GRAMD2A: variants seen among roughly 807,000 people sequenced by gnomAD.
GRAMD2A encodes GRAM domain-containing protein 2A.
GRAMD2A carries 37 observed loss-of-function variants against 51.1 expected under a neutral mutation model. The ratio of observed to expected loss-of-function variants is 0.72; its 90% CI spans 0.56 to 0.95. GRAMD2A has a LOEUF of 0.95. Among genes scored for constraint, GRAMD2A ranks in the 40% least tolerant of loss-of-function variants. The pLI is 0.00. For synonymous variants in GRAMD2A, 136 were observed against 157.1 expected, an observed-to-expected ratio of 0.87 and a Z score of 1.01; for missense variants, 414 against 426.9, an observed-to-expected ratio of 0.97 and a Z score of 0.27.
chr15:72,186,072 C>G (rs543639738), intron 1 of GRAMD2A, among the ~76,000 whole-genome samples: 6 of 152,006 alleles, frequency 3.9e-5, no homozygotes, highest in Non-Finnish European at 8.8e-5. Flanking sequence ...GGGAGCTCAT[C>G]CAAGTCAATA....
intron 1 of GRAMD2A, among the ~76,000 whole-genome samples, chr15:72,195,500 A>C (rs2081798320): frequency 1.3e-5 from 2 of 152,328 alleles, no homozygotes; most frequent in African/African-American, 4.8e-5. Flanking sequence ...CCAAGAGGCC[A>C]GCTGGCAGCA....
intron 1 of GRAMD2A, among the ~76,000 whole-genome samples, chr15:72,177,571 G>A (rs772600076): frequency 4.6e-5 from 7 of 152,182 alleles, no homozygotes; most frequent in Non-Finnish European, 1.0e-4. Context: ...TTATTTATTC[G>A]TTTTACTACT....
chr15:72,183,155 G>A (rs1333671887), intron 1 of GRAMD2A, among the ~76,000 whole-genome samples: 3 of 151,490 alleles, frequency 2.0e-5, no homozygotes, highest in Non-Finnish European at 2.9e-5. Flanking sequence ...TTACAGGTGT[G>A]AGCCACTGTG....
At chr15:72,195,042 A>G (rs982313678) in intron 1 of GRAMD2A, among the ~76,000 whole-genome samples, 1 of 152,216 alleles carries the variant, frequency 6.6e-6, no homozygotes, top group Non-Finnish European at 1.5e-5. Context: ...GGTATGCTGC[A>G]TGCTGCTTGC....
Position 72,161,743 on chromosome 15 carries a change from T to G in GRAMD2A, c.*266A>C, listed in dbSNP as rs2081477934. 2.1e-6 allele frequency: 1 copy of G among 479,814 alleles called. No homozygotes were observed. Among genetic ancestry groups the G allele is most frequent in the Non-Finnish European group, 3.8e-6 (1 of 262,376 alleles). The allele number at this position is 479,814 out of a possible 1,614,324, so 29.7% of individuals were successfully genotyped here. ...TCTCTAAGTGTTTGCTGAAGCTTTG[T>G]GTACAGAATTCCTCAGTTGGTTCCA... On this transcript the variant is annotated 3_prime_UTR_variant, in exon 12 of 12. Transcript: ENST00000309731.
chr15:72,176,854 CTTTTTTT>C (rs60618044), intron 1 of GRAMD2A, among the ~76,000 whole-genome samples: 1 of 72,178 alleles, frequency 1.4e-5, no homozygotes, highest in Non-Finnish European at 2.6e-5. Context: ...ACCTGCAGTG[CTTTTTTT>C]TTTTTTTTTT....
intron 8 of GRAMD2A, 105 bp downstream of exon 8, chr15:72,165,249 C>A: frequency 1.0e-6 from 1 of 995,716 alleles, no homozygotes; most frequent in Non-Finnish European, 1.6e-6. Flanking sequence ...ACTCTTGAGC[C>A]TGGTGCCCCA....
chr15:72,162,162 A>C lies in GRAMD2A; in HGVS notation c.1061+111T>G, dbSNP rs2081483307. 4.5e-6 allele frequency: 6 copies of C among 1,343,172 alleles called. No individual in the cohort carries two copies. In the South Asian group the frequency reaches 7.1e-5, roughly 16 times the overall value. 83.2% of individuals were successfully genotyped at this position (1,343,172 alleles called of 1,614,324 possible). On this transcript the variant is annotated intron_variant, in intron 11 of 11. Coordinates refer to ENST00000309731, the MANE Select transcript of GRAMD2A (RefSeq NM_001012642.3). The stretch of plus-strand genomic sequence containing the variant: ...ACGCTGCCCAACCTTGCTTAGGGTC[A>C]GAAGCCAGCTCAAAACAGGACCAAG...
chr15:72,165,536 C>T, intron 7 of GRAMD2A, 126 bp from the exon 8 acceptor site: 1 of 925,956 alleles, frequency 1.1e-6, no homozygotes, highest in Non-Finnish European at 1.7e-6. Flanking sequence ...AGGTGAAGCC[C>T]AGCTCCCAGG....
At chr15:72,177,073 T>C (rs2081658971) in intron 1 of GRAMD2A, among the ~76,000 whole-genome samples, 1 of 151,890 alleles carries the variant, frequency 6.6e-6, no homozygotes, top group Non-Finnish European at 1.5e-5. Flanking sequence ...TCTTGCTCTG[T>C]TGCCCAGGCT....
chr15:72,166,747 A>G lies in GRAMD2A; in HGVS notation c.472-44T>C, dbSNP rs759021169. On this transcript the variant is annotated intron_variant, in intron 6 of 11. Coordinates refer to ENST00000309731, the MANE Select transcript of GRAMD2A (RefSeq NM_001012642.3). The surrounding 1 kb of genome is among the most constrained non-coding windows in gnomAD (Gnocchi z 4.1). ...ACAGACAGGGGTAGGGTGAGATGAG[A>G]CTCCTTGCTGTGCCAGCCAGCCCCC... The G allele has an allele frequency of 5.2e-6, 8 of 1,536,856 alleles. No homozygotes were observed. In the Admixed American group the frequency reaches 1.3e-4, roughly 26 times the overall value.
At position 72,170,486 on chromosome 15, in the gene GRAMD2A, G is replaced by A. The variant is rs1328153459; in HGVS notation, c.42-547C>T. On this transcript the variant is annotated intron_variant, in intron 1 of 11. Coordinates refer to ENST00000309731, the MANE Select transcript of GRAMD2A (RefSeq NM_001012642.3). The surrounding 1 kb of genome is among the most constrained non-coding windows in gnomAD (Gnocchi z 4.5). ...GAGTGTGGCCAGGAGGGGAGGAGCC[G>A]TCTTATACCAGGAAGTGGCCTCAGC... 1.1e-5 allele frequency: 5 copies of A among 447,536 alleles called. No individual in the cohort carries two copies. The highest frequency in any genetic ancestry group is 2.4e-5 in the Admixed American group (1 of 41,998). 27.7% of individuals were successfully genotyped at this position (447,536 alleles called of 1,614,324 possible). A position where few individuals can be genotyped will look rare whatever the true frequency, so the allele number is the denominator to read the frequency against.
chr15:72,178,702 G>A (rs138427442), intron 1 of GRAMD2A, among the ~76,000 whole-genome samples: 1,804 of 151,182 alleles, frequency 0.012, 30 homozygotes, highest in African/African-American at 0.042. Context: ...AGCCTCCGGA[G>A]TAGCTGGGAC....
chr15:72,167,177 C>T, intron 5 of GRAMD2A, 85 bp from the exon 6 acceptor site: 1 of 959,346 alleles, frequency 1.0e-6, no homozygotes, highest in Non-Finnish European at 1.7e-6. Context: ...CAGCTGTGAG[C>T]CCAGCATGGC....
In GRAMD2A at chr15:72,166,132, G is replaced by A. The variant is rs910037414; in HGVS notation, c.543+500C>T. Among the ~76,000 whole-genome samples, 14 of 152,202 alleles carry A rather than the reference G, an allele frequency of 9.2e-5. No homozygotes were observed. Among genetic ancestry groups the A allele is most frequent in the African/African-American group, 3.1e-4 (13 of 41,464 alleles). On this transcript the variant is annotated intron_variant, in intron 7 of 11. Transcript: ENST00000309731. This position sits in a 1 kb window ranked among gnomAD's most constrained non-coding sequence, Gnocchi z 4.1. ...GATCCACCTGCCTCGGCCTCCCAAAGTGCTGGGACCATACAGCCATTGTTT... is the reference window on the plus strand; with the variant it reads ...GATCCACCTGCCTCGGCCTCCCAAAATGCTGGGACCATACAGCCATTGTTT...
rs182032393 is a variant in GRAMD2A at position 72,190,908 on chromosome 15, A to G, written c.41+6823T>C. On this transcript the variant is annotated intron_variant, in intron 1 of 11. Transcript: ENST00000309731. Reference sequence around the variant, plus strand: ...GGAAATGCAAAAAGGAGCCTAAAACATCTAATCATACCAGAAACTAAAGAA... The same window carrying G: ...GGAAATGCAAAAAGGAGCCTAAAACGTCTAATCATACCAGAAACTAAAGAA... Among the ~76,000 whole-genome samples, 117 of 152,352 alleles carry G rather than the reference A, an allele frequency of 7.7e-4. 1 individual carries two copies. Among genetic ancestry groups the G allele is most frequent in the Middle Eastern group, 3.4e-3 (1 of 294 alleles).
At chr15:72,180,447 C>T (rs1354523425) in intron 1 of GRAMD2A, among the ~76,000 whole-genome samples, 1 of 152,248 alleles carries the variant, frequency 6.6e-6, no homozygotes, top group Non-Finnish European at 1.5e-5. Flanking sequence ...TGGGGGCCGC[C>T]CTCCGGCCAG....
rs991452663 is a variant in GRAMD2A at position 72,170,446 on chromosome 15, C to T, written c.42-507G>A. 4.4e-6 allele frequency: 2 copies of T among 455,554 alleles called. No homozygotes were observed. Among genetic ancestry groups the T allele is most frequent in the African/African-American group, 4.0e-5 (2 of 50,036 alleles). 28.2% of individuals were successfully genotyped at this position (455,554 alleles called of 1,614,324 possible). A position where few individuals can be genotyped will look rare whatever the true frequency, so the allele number is the denominator to read the frequency against. ...GCTGAAGGTGTGGGAGGTGGACGCC[C>T]ATCAGCCTACAGGTGAGTGTGGCCA... On this transcript the variant is annotated intron_variant, in intron 1 of 11. Transcript: ENST00000309731. This position sits in a 1 kb window ranked among gnomAD's most constrained non-coding sequence, Gnocchi z 4.5.
rs1205771588 is a variant in GRAMD2A, at chr15:72,166,923, C to T, written c.471+71G>A. The T allele has an allele frequency of 4.1e-5, 52 of 1,254,562 alleles. No individual in the cohort carries two copies. The highest frequency in any genetic ancestry group is 1.4e-4 in the Admixed American group (8 of 58,810). The allele number at this position is 1,254,562 out of a possible 1,614,324, so 77.7% of individuals were successfully genotyped here. A position where few individuals can be genotyped will look rare whatever the true frequency, so the allele number is the denominator to read the frequency against. On this transcript the variant is annotated intron_variant, in intron 6 of 11. Transcript: ENST00000309731. This position sits in a 1 kb window ranked among gnomAD's most constrained non-coding sequence, Gnocchi z 4.1. The stretch of plus-strand genomic sequence containing the variant: ...TGAAATAAAGACCTGGGAATGTGCC[C>T]GAGTCAGACTGTGGGCTGTCAGGGC...
Sources: gnomAD v4.1 joint callset for allele counts (sites outside exome capture counted in the v4.1 genomes callset) on GRCh38, gnomAD v4.1.1 for gene constraint, Gnocchi (gnomAD v3.1) non-coding constraint, MANE v1.5 for transcripts, NCBI Gene and HGNC (gene_info 2026-07-23, HGNC 2026-07-21) for gene names.